The following GBP3 variants were observed in gnomAD, a reference collection of about 807,000 sequenced individuals.
GBP3 encodes guanylate binding protein 3, also known as guanylate-binding protein 3.
In GBP3, 55 loss-of-function variants were observed where a neutral mutation model predicts 62.4. The observed-to-expected ratio is 0.88, with a 90% confidence interval of 0.71 to 1.10. The LOEUF (loss-of-function observed/expected upper bound fraction) is 1.10. GBP3 is among the 50% of genes least tolerant of loss of function. GBP3 has a pLI of 0.00. For synonymous variants in GBP3, 208 were observed against 259.2 expected (o/e 0.80, Z 1.90); for missense variants, 605 against 690.6 (o/e 0.88, Z 1.39).
chr1:89,014,732 TATATC>T, intron 3 of GBP3, 76 bp from the exon 4 acceptor site: 1 of 1,572,162 alleles, frequency 6.4e-7, no homozygotes, highest in South Asian at 1.1e-5. Context: ...GTAGTAAAAG[TATATC>T]ATAAGTTAGA....
chr1:89,012,900 T>C lies in GBP3; in HGVS notation c.868+285A>G, dbSNP rs185639343. Reference sequence around the variant, plus strand: ...TCACCCAGGCTGGAGTGCAGTGGCGTGATCTCGTCTCACTGCAACCTCTGC... The same window carrying C: ...TCACCCAGGCTGGAGTGCAGTGGCGCGATCTCGTCTCACTGCAACCTCTGC... On this transcript the variant is annotated intron_variant, in intron 6 of 10. Transcript: ENST00000370481. Among the ~76,000 whole-genome samples, 14 of 140,610 alleles carry C rather than the reference T, an allele frequency of 1.0e-4. 2 individuals carry two copies. In the East Asian group the frequency reaches 2.5e-3, roughly 25 times the overall value. The allele number at this position is 140,610 out of a possible 152,430, so 92.2% of individuals were successfully genotyped here.
Position 89,011,876 on chromosome 1 carries a change from C to T in GBP3, c.1020G>A (p.Lys340=), listed in dbSNP as rs114374639. ...IAHYDQQMGQ[K]VQLPAETLQE... ...GGAGGGTTTCTGCGGGCAGCTGCAC[C>T]TTCTGGCCCATCTGCTGGTCATAGT... Residue 340 remains lysine, a synonymous_variant, in exon 7 of 11, where the codon AAG becomes AAA. Coordinates refer to ENST00000370481, the MANE Select transcript of GBP3 (RefSeq NM_018284.3). 1.6e-3 allele frequency: 2,370 copies of T among 1,462,172 alleles called. 224 individuals carry two copies. The African/African-American group carries it at 0.029, about 18-fold the overall frequency. 90.6% of individuals were successfully genotyped at this position (1,462,172 alleles called of 1,614,324 possible).
intron 2 of GBP3, among the ~76,000 whole-genome samples, chr1:89,016,535 C>A (rs1052021427): frequency 6.6e-6 from 1 of 152,008 alleles, no homozygotes; most frequent in Non-Finnish European, 1.5e-5. Context: ...AAACAAAAAA[C>A]CCAAAAAACG....
intron 8 of GBP3, among the ~76,000 whole-genome samples, chr1:89,010,199 G>A (rs1457790213): frequency 6.7e-6 from 1 of 150,010 alleles, no homozygotes; most frequent in African/African-American, 2.4e-5. Context: ...TTGGCACACT[G>A]CAACCTCCGC....
At chr1:89,020,308 TC>T (rs1679111251) in intron 2 of GBP3, 3 of 600,440 alleles carry the variant, frequency 5.0e-6, no homozygotes, top group Non-Finnish European at 9.0e-6. Context: ...AACAAGGAGT[TC>T]AACTGTAACT....
chr1:89,014,742 G>A (rs935741054), intron 3 of GBP3, 86 bp from the exon 4 acceptor site: 5 of 1,534,432 alleles, frequency 3.3e-6, no homozygotes, highest in Admixed American at 3.7e-5. Context: ...TATATCATAA[G>A]TTAGAGTTTT....
rs374568191 is a variant in GBP3, at chr1:89,011,055, C to T, written c.1211G>A (p.Arg404His). Reference protein sequence around the residue: ...CKQNQEASSDRCSALLQVIFS... With the variant: ...CKQNQEASSDHCSALLQVIFS... ...AATGACCTGAAGTAAAGCTGAGCAA[C>T]GATCTGATGATGCTTCTTGATTCTG... Residue 404 changes from arginine (R) to histidine (H), a missense_variant, in exon 8 of 11, where the codon CGT becomes CAT. Physicochemically the swap from Arg to His is conservative, Grantham distance 29 (BLOSUM62 0). Transcript: ENST00000370481. 1.0e-5 allele frequency: 15 copies of T among 1,461,898 alleles called. 1 individual carries two copies. Among genetic ancestry groups the T allele is most frequent in the Admixed American group, 8.9e-5 (5 of 55,994 alleles). The allele number at this position is 1,461,898 out of a possible 1,614,324, so 90.6% of individuals were successfully genotyped here.
rs952381207 is a variant in GBP3, at chr1:89,013,074, G to C, written c.868+111C>G. On this transcript the variant is annotated intron_variant, in intron 6 of 10. Transcript: ENST00000370481. Reference sequence around the variant, plus strand: ...GTTGGTCTCAAACTCCTGGCCTCAAGTGATCTGCCCTCCTCGGCCTCCCAA... The same window carrying C: ...GTTGGTCTCAAACTCCTGGCCTCAACTGATCTGCCCTCCTCGGCCTCCCAA... The C allele has an allele frequency of 2.0e-5, 24 of 1,208,894 alleles. No individual in the cohort carries two copies. The South Asian group carries it at 3.5e-4, about 18-fold the overall frequency. The allele number at this position is 1,208,894 out of a possible 1,614,324, so 74.9% of individuals were successfully genotyped here. A position where few individuals can be genotyped will look rare whatever the true frequency, so the allele number is the denominator to read the frequency against.
At chr1:89,012,162 G>T (rs1384519395) in intron 6 of GBP3, 135 bp from the exon 7 acceptor site, 1 of 921,744 alleles carries the variant, frequency 1.1e-6, no homozygotes, top group Non-Finnish European at 1.6e-6. Flanking sequence ...AAGCTTGCTG[G>T]AAATGCCTAT....
chr1:89,007,804 G>A lies in GBP3; in HGVS notation c.1708C>T (p.Leu570Phe), dbSNP rs751433571. 6.8e-6 allele frequency: 11 copies of A among 1,613,114 alleles called. No homozygotes were observed. The highest frequency in any genetic ancestry group is 1.3e-5 in the African/African-American group (1 of 74,762). Residue 570 changes from leucine to phenylalanine, a missense_variant, in exon 11 of 11, where the codon CTT becomes TTT. By Grantham distance (22) the Leu-to-Phe change is conservative (BLOSUM62 0). Transcript: ENST00000370481. ...TGTAGCTTTTGTATCTCATTTTGAA[G>A]TTGGGTACTTTCACCTTGGCATCTC... ...KERCQGESTQLQNEIQKLQKT... is the reference protein window; with the variant it reads ...KERCQGESTQFQNEIQKLQKT...
rs758657677 is a variant in GBP3, at chr1:89,020,631, G to A, written c.91C>T (p.Leu31=). ...LVANPEALKI[L]SAITQPVVVV... is the part of the protein sequence containing the mutation. ...ACCACAGGCTGTGTAATGGCAGACAGGATTTTCAGAGCTTCTGGATTCGCC... is the reference window on the plus strand; with the variant it reads ...ACCACAGGCTGTGTAATGGCAGACAAGATTTTCAGAGCTTCTGGATTCGCC... Residue 31 remains leucine, a synonymous_variant, in exon 2 of 11, where the codon CTG becomes TTG. Coordinates refer to ENST00000370481, the MANE Select transcript of GBP3 (RefSeq NM_018284.3). 1 of 1,614,168 alleles carries A rather than the reference G, an allele frequency of 6.2e-7. No individual in the cohort carries two copies. The highest frequency in any genetic ancestry group is 8.5e-7 in the Non-Finnish European group (1 of 1,180,028).
At chr1:89,022,314 G>A (rs1053397000) in intron 1 of GBP3, among the ~76,000 whole-genome samples, 2 of 152,192 alleles carry the variant, frequency 1.3e-5, no homozygotes, top group Non-Finnish European at 2.9e-5. Context: ...CTGCATAGGA[G>A]CAGGATTCAG....
At chr1:89,021,719 A>G (rs1679227709) in intron 1 of GBP3, among the ~76,000 whole-genome samples, 1 of 151,236 alleles carries the variant, frequency 6.6e-6, no homozygotes, top group South Asian at 2.1e-4. Context: ...CATTTTGTAG[A>G]GTAGGAGAAA....
intron 2 of GBP3, among the ~76,000 whole-genome samples, chr1:89,015,687 T>C (rs1678845879): frequency 7.1e-6 from 1 of 140,194 alleles, no homozygotes; most frequent in African/African-American, 2.7e-5. Flanking sequence ...GAGGTTGCAG[T>C]GAGCTGAGAT....
chr1:89,020,459 A>C lies in GBP3; in HGVS notation c.190+73T>G. On this transcript the variant is annotated intron_variant, in intron 2 of 10. Coordinates refer to ENST00000370481, the MANE Select transcript of GBP3 (RefSeq NM_018284.3). ...TTCCCAGTGCCAGCTTTCTCTCCTC[A>C]CATCCTCATAATGGATGCTGACTGT... The C allele has an allele frequency of 1.9e-6, 3 of 1,570,912 alleles. No individual in the cohort carries two copies. In the East Asian group the frequency reaches 6.7e-5, roughly 35 times the overall value.
chr1:89,021,544 A>ACACCCCCC (rs761151308), intron 1 of GBP3, among the ~76,000 whole-genome samples: 179 of 141,018 alleles, frequency 1.3e-3, no homozygotes, highest in Non-Finnish European at 2.2e-3. Flanking sequence ...ACACACACAC[A>ACACCCCCC]CCCCAAAAAA....
intron 2 of GBP3, among the ~76,000 whole-genome samples, chr1:89,017,439 AACAG>A (rs1207349732): frequency 6.6e-6 from 1 of 152,226 alleles, no homozygotes; most frequent in Admixed American, 6.5e-5. Flanking sequence ...AAAGGGGAAA[AACAG>A]ACAGTAAAAG....
intron 1 of GBP3, among the ~76,000 whole-genome samples, chr1:89,022,483 C>T (rs1320748513): frequency 6.6e-6 from 1 of 152,216 alleles, no homozygotes; most frequent in African/African-American, 2.4e-5. Context: ...CACTTAGAGC[C>T]ATGGTACTTC....
chr1:89,021,934 T>C (rs978380194), intron 1 of GBP3, among the ~76,000 whole-genome samples: 2 of 151,868 alleles, frequency 1.3e-5, no homozygotes, highest in Non-Finnish European at 2.9e-5. Flanking sequence ...CTAAGTCGTC[T>C]GAGTGCGTGG....
Sources: allele counts gnomAD v4.1 joint callset (sites outside exome capture counted in the v4.1 genomes callset), GRCh38; gene constraint gnomAD v4.1.1; transcripts MANE v1.5; gene names NCBI Gene and HGNC (gene_info 2026-07-23, HGNC 2026-07-21).